PRKD1: variants seen among roughly 807,000 people sequenced by gnomAD.
The protein encoded by PRKD1 is protein kinase D1, also known as serine/threonine-protein kinase D1.
In PRKD1, 63 loss-of-function variants were observed where a neutral mutation model predicts 95.9. That is an observed-to-expected ratio of 0.66 (90% confidence interval 0.54 to 0.81). The LOEUF (loss-of-function observed/expected upper bound fraction) is 0.81. Among genes scored for constraint, PRKD1 ranks in the 30% least tolerant of loss-of-function variants. The pLI is 0.00. For missense variants in PRKD1, 1,048 were observed against 1,165.3 expected (o/e 0.90, Z 1.47); for synonymous variants, 425 against 423.1 (o/e 1.00, Z -0.05).
chr14:29,731,722 T>A (rs1474400642), intron 1 of PRKD1, among the ~76,000 whole-genome samples: 4 of 152,176 alleles, frequency 2.6e-5, no homozygotes. Context: ...TTGTCCTTCA[T>A]GAACATATAA....
At chr14:29,660,020 A>T (rs1882103571) in intron 4 of PRKD1, among the ~76,000 whole-genome samples, 1 of 152,154 alleles carries the variant, frequency 6.6e-6, no homozygotes, top group African/African-American at 2.4e-5. Flanking sequence ...TTCCTACTCG[A>T]AGTTCTTGTA....
intron 1 of PRKD1, among the ~76,000 whole-genome samples, chr14:29,906,889 G>A (rs1309619414): frequency 2.0e-5 from 3 of 152,174 alleles, no homozygotes; most frequent in African/African-American, 7.2e-5. Flanking sequence ...AGACTTTATT[G>A]TTTCCTCAGC....
At chr14:29,770,842 G>C (rs920961417) in intron 1 of PRKD1, among the ~76,000 whole-genome samples, 2 of 150,646 alleles carry the variant, frequency 1.3e-5, no homozygotes, top group African/African-American at 4.9e-5. Flanking sequence ...CAGGTGTGGT[G>C]GCACGCGTCC....
rs373152685 is a variant in PRKD1 at position 29,578,384 on chromosome 14, T to C, written c.2435-24A>G. The C allele has an allele frequency of 4.0e-5, 61 of 1,530,922 alleles. No individual in the cohort carries two copies. The African/African-American group carries it at 6.9e-4, about 17-fold the overall frequency. The allele number at this position is 1,530,922 out of a possible 1,614,324, so 94.8% of individuals were successfully genotyped here. A position where few individuals can be genotyped will look rare whatever the true frequency, so the allele number is the denominator to read the frequency against. Reference sequence around the variant, plus strand: ...GGCTGAAAAAAATTACCAGTAAAAATAGATGACAAATCTGTAACATATGCA... The same window carrying C: ...GGCTGAAAAAAATTACCAGTAAAAACAGATGACAAATCTGTAACATATGCA... On this transcript the variant is annotated intron_variant, in intron 16 of 17. Transcript: ENST00000331968.
At chr14:29,736,415 G>C (rs1391993143) in intron 1 of PRKD1, among the ~76,000 whole-genome samples, 2 of 152,124 alleles carry the variant, frequency 1.3e-5, no homozygotes, top group Non-Finnish European at 2.9e-5. Context: ...GAAGATATTG[G>C]GGGAACACAC....
intron 2 of PRKD1, among the ~76,000 whole-genome samples, chr14:29,666,957 T>C (rs1882555205): frequency 6.6e-6 from 1 of 152,190 alleles, no homozygotes; most frequent in African/African-American, 2.4e-5. Context: ...GATATTAAAA[T>C]CCATTTTTAT....
chr14:29,625,545 T>A (rs1333723994), intron 12 of PRKD1, among the ~76,000 whole-genome samples: 1 of 152,180 alleles, frequency 6.6e-6, no homozygotes, highest in Non-Finnish European at 1.5e-5. Flanking sequence ...TACCATAATT[T>A]TTTTTTGCAT....
intron 1 of PRKD1, among the ~76,000 whole-genome samples, chr14:29,783,693 C>A (rs368451380): frequency 6.6e-6 from 1 of 152,020 alleles, no homozygotes; most frequent in East Asian, 1.9e-4. Context: ...CTAACTGGGA[C>A]GAGATATCTC....
chr14:29,867,596 G>C (rs1341773677), intron 1 of PRKD1, among the ~76,000 whole-genome samples: 1 of 152,200 alleles, frequency 6.6e-6, no homozygotes, highest in Non-Finnish European at 1.5e-5. Context: ...CTGAAATTTA[G>C]GAAAATGGTA....
chr14:29,730,683 A>G (rs1262561400), intron 1 of PRKD1, among the ~76,000 whole-genome samples: 1 of 152,164 alleles, frequency 6.6e-6, no homozygotes, highest in Admixed American at 6.5e-5. Flanking sequence ...AGAATGGAAT[A>G]CCACTCAACC....
chr14:29,612,434 G>T (rs1378381064), intron 13 of PRKD1, among the ~76,000 whole-genome samples: 2 of 152,088 alleles, frequency 1.3e-5, no homozygotes, highest in Non-Finnish European at 2.9e-5. Flanking sequence ...GGGAAATAAT[G>T]ATTTTTAAAA....
chr14:29,927,454 G>C lies in PRKD1; in HGVS notation c.59C>G (p.Ala20Gly). ...GACCAGTGCGGCGGCCGCTGCGGCA[G>C]CTGCCGCCGCCACGGGCAGCAGCGG... Reference protein sequence around the residue: ...PSPLLPVAAAAAAAAAALVPG... With the variant: ...PSPLLPVAAAGAAAAAALVPG... The change falls in exon 1 of 18, where the codon GCT becomes GGT. Residue 20 changes from alanine to glycine, a missense_variant. Transcript: ENST00000331968. 2.3e-6 allele frequency: 3 copies of C among 1,307,222 alleles called. No homozygotes were observed. The highest frequency in any genetic ancestry group is 2.2e-5 in the South Asian group (1 of 45,200). The allele number at this position is 1,307,222 out of a possible 1,614,324, so 81.0% of individuals were successfully genotyped here.
chr14:29,825,847 C>T (rs1891087220), intron 1 of PRKD1, among the ~76,000 whole-genome samples: 2 of 152,018 alleles, frequency 1.3e-5, no homozygotes, highest in Admixed American at 1.3e-4. Flanking sequence ...CAAGCCCCTG[C>T]TTTCCATTGT....
intron 1 of PRKD1, among the ~76,000 whole-genome samples, chr14:29,763,125 T>TAAAA (rs36087571): frequency 3.1e-5 from 2 of 64,784 alleles, no homozygotes; most frequent in African/African-American, 6.6e-5. Context: ...TCTCTAAAAT[T>TAAAA]AAAAAAAAAA....
At chr14:29,856,489 G>C (rs1019782165) in intron 1 of PRKD1, among the ~76,000 whole-genome samples, 1 of 152,148 alleles carries the variant, frequency 6.6e-6, no homozygotes, top group Non-Finnish European at 1.5e-5. Flanking sequence ...AACAATCAAT[G>C]AAAGTGTCTC....
At chr14:29,675,656 G>T (rs1883118409) in intron 2 of PRKD1, among the ~76,000 whole-genome samples, 1 of 152,048 alleles carries the variant, frequency 6.6e-6, no homozygotes, top group Admixed American at 6.6e-5. Context: ...TATAAATCAT[G>T]CTGCTGTAAA....
intron 16 of PRKD1, among the ~76,000 whole-genome samples, chr14:29,581,422 CT>C (rs1241849687): frequency 1.3e-5 from 2 of 152,058 alleles, no homozygotes; most frequent in South Asian, 2.1e-4. Context: ...TAACAACCCC[CT>C]GAAAGTAGTT....
intron 1 of PRKD1, among the ~76,000 whole-genome samples, chr14:29,758,453 T>C (rs1218849765): frequency 2.0e-5 from 3 of 152,144 alleles, no homozygotes; most frequent in Admixed American, 1.3e-4. Context: ...CTTGTTGATA[T>C]AACGTAAAGG....
At chr14:29,886,103 G>C (rs1394103482) in intron 1 of PRKD1, among the ~76,000 whole-genome samples, 1 of 152,202 alleles carries the variant, frequency 6.6e-6, no homozygotes. Context: ...TACGTGTCCA[G>C]GAGGAACTTT....
Sources: allele counts gnomAD v4.1 joint callset (sites outside exome capture counted in the v4.1 genomes callset), GRCh38; gene constraint gnomAD v4.1.1; transcripts MANE v1.5; gene names NCBI Gene and HGNC (gene_info 2026-07-23, HGNC 2026-07-21).